The following TMEM117 variants were observed in gnomAD, a reference collection of about 807,000 sequenced individuals.
TMEM117 encodes the protein transmembrane protein 117.
TMEM117 carries 27 observed loss-of-function variants against 52.4 expected under a neutral mutation model. The observed-to-expected ratio is 0.51, with a 90% confidence interval of 0.38 to 0.71. TMEM117 has a LOEUF of 0.71. TMEM117 is among the 30% of genes least tolerant of loss of function. TMEM117 has a pLI of 0.00. For synonymous variants in TMEM117, 215 were observed against 206.3 expected (o/e 1.04, Z -0.36); for missense variants, 556 against 630.5 (o/e 0.88, Z 1.26).
At chr12:44,015,890 T>C (rs574022599) in intron 3 of TMEM117, among the ~76,000 whole-genome samples, 3 of 152,310 alleles carry the variant, frequency 2.0e-5, no homozygotes, top group South Asian at 2.1e-4. Context: ...CATTTAGATA[T>C]AATGGGATTT....
intron 3 of TMEM117, among the ~76,000 whole-genome samples, chr12:44,118,907 G>A (rs1035685229): frequency 6.6e-6 from 1 of 152,030 alleles, no homozygotes; most frequent in East Asian, 1.9e-4. Context: ...CAGTTCTCAG[G>A]TGTCATTTGG....
intron 3 of TMEM117, among the ~76,000 whole-genome samples, chr12:44,134,844 A>G (rs1948466523): frequency 6.6e-6 from 1 of 152,136 alleles, no homozygotes; most frequent in Admixed American, 6.5e-5. Context: ...ACGTTAGCTC[A>G]AGAACAAAGA....
intron 3 of TMEM117, among the ~76,000 whole-genome samples, chr12:44,017,087 A>G (rs1417768285): frequency 1.3e-5 from 2 of 152,180 alleles, no homozygotes; most frequent in Non-Finnish European, 2.9e-5. Context: ...TGGGAAAGGT[A>G]TGATTACTTT....
intron 3 of TMEM117, among the ~76,000 whole-genome samples, chr12:43,964,523 A>G (rs1203210685): frequency 6.6e-6 from 1 of 152,230 alleles, no homozygotes; most frequent in African/African-American, 2.4e-5. Flanking sequence ...TATATAGAAT[A>G]TTTAAAAAAT....
At chr12:43,875,558 A>T (rs536652299) in intron 2 of TMEM117, among the ~76,000 whole-genome samples, 3 of 152,340 alleles carry the variant, frequency 2.0e-5, no homozygotes, top group Admixed American at 1.3e-4. Flanking sequence ...GACTGTGTCC[A>T]ATAAAGTTTC....
At chr12:44,181,385 C>T (rs1350241950) in intron 4 of TMEM117, among the ~76,000 whole-genome samples, 6 of 151,990 alleles carry the variant, frequency 3.9e-5, no homozygotes, top group Admixed American at 6.6e-5. Context: ...ATTTTGTCTT[C>T]TGTTGCCATT....
intron 2 of TMEM117, among the ~76,000 whole-genome samples, chr12:43,908,811 T>C (rs1944439213): frequency 6.6e-6 from 1 of 150,530 alleles, no homozygotes; most frequent in South Asian, 2.1e-4. Flanking sequence ...CCTAAATATA[T>C]ATGCACCCAA....
chr12:44,152,577 A>T (rs55681287), intron 4 of TMEM117, among the ~76,000 whole-genome samples: 5,347 of 121,806 alleles, frequency 0.044, 137 homozygotes, highest in Middle Eastern at 0.14. Flanking sequence ...ATATAAATTT[A>T]TATATATAAT....
At chr12:44,297,433 A>G (rs1950782570) in intron 5 of TMEM117, among the ~76,000 whole-genome samples, 1 of 152,334 alleles carries the variant, frequency 6.6e-6, no homozygotes, top group Non-Finnish European at 1.5e-5. Flanking sequence ...TTGTTTCACC[A>G]GAGGTTAACC....
intron 3 of TMEM117, among the ~76,000 whole-genome samples, chr12:44,069,363 C>T (rs1947267200): frequency 6.6e-6 from 1 of 152,024 alleles, no homozygotes; most frequent in Admixed American, 6.6e-5. Flanking sequence ...AAAGACCTCA[C>T]TGAGAGGTGA....
At chr12:44,314,192 C>G (rs568411285) in intron 6 of TMEM117, among the ~76,000 whole-genome samples, 192 of 152,270 alleles carry the variant, frequency 1.3e-3, no homozygotes, top group Middle Eastern at 3.4e-3. Flanking sequence ...ATGGGGAATA[C>G]TTCCAGCTTT....
intron 4 of TMEM117, among the ~76,000 whole-genome samples, chr12:44,194,143 T>C (rs925023809): frequency 3.9e-5 from 6 of 152,176 alleles, no homozygotes; most frequent in African/African-American, 1.4e-4. Flanking sequence ...TTTTAAATGA[T>C]TGAAATGAAA....
chr12:43,865,143 C>G (rs980451475), intron 2 of TMEM117, among the ~76,000 whole-genome samples: 3 of 152,114 alleles, frequency 2.0e-5, no homozygotes, highest in African/African-American at 7.2e-5. Flanking sequence ...TGCGAGGGTC[C>G]GCGGCTTCAT....
At position 43,836,540 on chromosome 12, in the gene TMEM117, A is replaced by G. The variant is rs566765166; in HGVS notation, c.-29+344A>G. On this transcript the variant is annotated intron_variant, in intron 1 of 7. Transcript: ENST00000266534. ...GTGTGCAGAGATACGGCGGGAGAGC[A>G]GACCTTGAACTTTCCTTGCTTCAGC... 1.7e-3 allele frequency among the ~76,000 whole-genome samples: 261 copies of G among 152,256 alleles called. 2 individuals carry two copies. Among genetic ancestry groups the G allele is most frequent in the African/African-American group, 6.2e-3 (256 of 41,544 alleles).
chr12:44,012,430 T>C (rs1224575461), intron 3 of TMEM117, among the ~76,000 whole-genome samples: 2 of 151,770 alleles, frequency 1.3e-5, no homozygotes, highest in Admixed American at 6.6e-5. Flanking sequence ...TTTTCTGATA[T>C]TCCCATTACA....
At chr12:43,902,619 CCAGA>C (rs1182396135) in intron 2 of TMEM117, among the ~76,000 whole-genome samples, 1 of 152,020 alleles carries the variant, frequency 6.6e-6, no homozygotes, top group Non-Finnish European at 1.5e-5. Flanking sequence ...GGTATTGGAA[CCAGA>C]CAGACCATGG....
chr12:44,042,229 C>G (rs1460433644), intron 3 of TMEM117, among the ~76,000 whole-genome samples: 1 of 150,710 alleles, frequency 6.6e-6, no homozygotes, highest in Non-Finnish European at 1.5e-5. Flanking sequence ...TGCCTTTTAT[C>G]CTATTCATTT....
intron 3 of TMEM117, among the ~76,000 whole-genome samples, chr12:44,065,832 C>G (rs1947213896): frequency 6.6e-6 from 1 of 152,100 alleles, no homozygotes; most frequent in Non-Finnish European, 1.5e-5. Context: ...TTAAAGTTAC[C>G]CTTATAATGT....
At chr12:44,332,895 T>C (rs1408176734) in intron 6 of TMEM117, among the ~76,000 whole-genome samples, 6 of 152,048 alleles carry the variant, frequency 3.9e-5, no homozygotes, top group African/African-American at 1.4e-4. Flanking sequence ...GGATTGAAAA[T>C]ATCCATATCT....
Sources: gnomAD v4.1 joint callset for allele counts (sites outside exome capture counted in the v4.1 genomes callset) on GRCh38, gnomAD v4.1.1 for gene constraint, MANE v1.5 for transcripts, NCBI Gene and HGNC (gene_info 2026-07-23, HGNC 2026-07-21) for gene names.